FAM219A: variants seen among roughly 807,000 people sequenced by gnomAD.
FAM219A encodes family with sequence similarity 219 member A, also known as protein FAM219A.
FAM219A carries 7 observed loss-of-function variants against 23.4 expected under a neutral mutation model. The ratio of observed to expected loss-of-function variants is 0.30; its 90% CI spans 0.17 to 0.56. The LOEUF (loss-of-function observed/expected upper bound fraction) is 0.56, where lower values mean the gene tolerates loss of function less well. Ranked by LOEUF, FAM219A falls within the 20% of genes least tolerant of loss-of-function variation. FAM219A has a pLI of 0.92. For missense variants in FAM219A, 166 were observed against 246.9 expected, an observed-to-expected ratio of 0.67 and a Z score of 2.20; for synonymous variants, 93 against 99.0, an observed-to-expected ratio of 0.94 and a Z score of 0.36.
At chr9:34,435,468 T>A (rs1236631275) in intron 1 of FAM219A, among the ~76,000 whole-genome samples, 1 of 152,208 alleles carries the variant, frequency 6.6e-6, no homozygotes, top group Non-Finnish European at 1.5e-5. Flanking sequence ...TGTTTTGTCA[T>A]AACAAATTCA....
At position 34,400,130 on chromosome 9, in the gene FAM219A, A is replaced by G. The variant is rs374489100; in HGVS notation, c.*834T>C. The G allele has an allele frequency of 7.3e-6, 1 of 137,244 alleles. No individual in the cohort carries two copies. The highest frequency in any genetic ancestry group is 2.5e-4 in the East Asian group (1 of 4,006). 8.5% of individuals were successfully genotyped at this position (137,244 alleles called of 1,614,324 possible). Reference sequence around the variant, plus strand: ...TGGGCTGGGGTGAGGGGAATGGGCCATTGGAGTCCAGCCTTACTCCCTGCT... The same window carrying G: ...TGGGCTGGGGTGAGGGGAATGGGCCGTTGGAGTCCAGCCTTACTCCCTGCT... On this transcript the variant is annotated 3_prime_UTR_variant, in exon 6 of 6. Coordinates refer to ENST00000651358, the MANE Select transcript of FAM219A (RefSeq NM_001184940.2).
In FAM219A at chr9:34,400,769, T is replaced by G; in HGVS notation, c.*195A>C. 1 of 501,948 alleles carries G rather than the reference T, an allele frequency of 2.0e-6. No individual in the cohort carries two copies. The highest frequency in any genetic ancestry group is 3.3e-6 in the Non-Finnish European group (1 of 306,192). 31.1% of individuals were successfully genotyped at this position (501,948 alleles called of 1,614,324 possible). A position where few individuals can be genotyped will look rare whatever the true frequency, so the allele number is the denominator to read the frequency against. On this transcript the variant is annotated 3_prime_UTR_variant, in exon 6 of 6. Coordinates refer to ENST00000651358, the MANE Select transcript of FAM219A (RefSeq NM_001184940.2). ...GCTCCCGGGTGGAGAGAGACCCAGT[T>G]TTGGTTTCTCCAGCTCCATGAACAC...
intron 1 of FAM219A, among the ~76,000 whole-genome samples, chr9:34,441,140 AAC>A (rs1823158501): frequency 6.6e-6 from 1 of 152,210 alleles, no homozygotes; most frequent in Non-Finnish European, 1.5e-5. Flanking sequence ...AGCCCAGCTA[AAC>A]AGGAAACCAG....
intron 1 of FAM219A, among the ~76,000 whole-genome samples, chr9:34,424,647 A>C (rs1486367422): frequency 6.6e-6 from 1 of 151,736 alleles, no homozygotes; most frequent in African/African-American, 2.4e-5. Flanking sequence ...GGCCAAAGCC[A>C]ACACGGACCT....
intron 1 of FAM219A, among the ~76,000 whole-genome samples, chr9:34,451,526 C>A (rs1488778226): frequency 6.6e-6 from 1 of 152,144 alleles, no homozygotes; most frequent in Non-Finnish European, 1.5e-5. Flanking sequence ...AGCTAAATTT[C>A]CCATGTTCCC....
At chr9:34,438,107 T>G (rs1205705492) in intron 1 of FAM219A, among the ~76,000 whole-genome samples, 1 of 152,192 alleles carries the variant, frequency 6.6e-6, no homozygotes, top group East Asian at 1.9e-4. Flanking sequence ...CCCACAGCAG[T>G]GCCAGCCCAC....
chr9:34,430,108 G>A (rs1022340291), intron 1 of FAM219A, among the ~76,000 whole-genome samples: 1 of 152,150 alleles, frequency 6.6e-6, no homozygotes, highest in African/African-American at 2.4e-5. Flanking sequence ...AGACATGTGT[G>A]GGGGGAGGTA....
rs770336544 is a variant in FAM219A, at chr9:34,421,044, G to GAGAGAGAGAGAGAGAC, written c.61-15081_61-15080insGTCTCTCTCTCTCTCT. ...AGAGAGAGAGAGAGAGAGAGAGAGA[G>GAGAGAGAGAGAGAGAC]AATGGCTCTGCTGAAACAAATTTTG... On this transcript the variant is annotated intron_variant, in intron 1 of 5. Transcript: ENST00000651358. 3.5e-3 allele frequency among the ~76,000 whole-genome samples: 510 copies of GAGAGAGAGAGAGAGAC among 146,842 alleles called. 8 individuals carry two copies. The highest frequency in any genetic ancestry group is 8.6e-3 in the African/African-American group (334 of 39,042).
intron 1 of FAM219A, among the ~76,000 whole-genome samples, chr9:34,424,949 T>C (rs62559895): frequency 0.16 from 23,923 of 151,982 alleles, 2,513 homozygotes; most frequent in Non-Finnish European, 0.23. Context: ...GGACTACAGG[T>C]GTGTACCACC....
rs1821362914 is a variant in FAM219A, at chr9:34,399,993, T to C, written c.*971A>G. On this transcript the variant is annotated 3_prime_UTR_variant, in exon 6 of 6. Transcript: ENST00000651358. ...CAGCCTCAGAGATACACACACATTC[T>C]GCTAAGCACTCCCTACCACATCCAA... 1 of 152,464 alleles carries C rather than the reference T, an allele frequency of 6.6e-6. No homozygotes were observed. Among genetic ancestry groups the C allele is most frequent in the Admixed American group, 6.5e-5 (1 of 15,274 alleles). The allele number at this position is 152,464 out of a possible 1,614,324, so 9.4% of individuals were successfully genotyped here. A position where few individuals can be genotyped will look rare whatever the true frequency, so the allele number is the denominator to read the frequency against.
At chr9:34,415,761 T>C (rs1821979099) in intron 1 of FAM219A, among the ~76,000 whole-genome samples, 4 of 152,162 alleles carry the variant, frequency 2.6e-5, no homozygotes, top group African/African-American at 4.8e-5. Flanking sequence ...TCCCCCAGAA[T>C]CGGGAAGTGG....
intron 1 of FAM219A, among the ~76,000 whole-genome samples, chr9:34,433,899 G>C (rs528933640): frequency 6.6e-6 from 1 of 152,144 alleles, no homozygotes; most frequent in Non-Finnish European, 1.5e-5. Context: ...GCTCAGGTTG[G>C]TTTTAAGAAT....
At chr9:34,448,579 G>C (rs1823448529) in intron 1 of FAM219A, among the ~76,000 whole-genome samples, 2 of 152,238 alleles carry the variant, frequency 1.3e-5, no homozygotes, top group South Asian at 4.1e-4. Context: ...GTTGTGAACA[G>C]TGAGAACATT....
rs75095937 is a variant in FAM219A at position 34,435,377 on chromosome 9, A to G, written c.60+22827T>C. On this transcript the variant is annotated intron_variant, in intron 1 of 5. Transcript: ENST00000651358. ...GAAAGCATGAGCTCTATCACCTGGG[A>G]AAAAATGATAGAGTCAAAGATCATG... Among the ~76,000 whole-genome samples, 470 of 152,260 alleles carry G rather than the reference A, an allele frequency of 3.1e-3. 2 individuals carry two copies. Among genetic ancestry groups the G allele is most frequent in the Non-Finnish European group, 5.2e-3 (356 of 68,022 alleles).
chr9:34,448,307 G>A (rs1304816810), intron 1 of FAM219A, among the ~76,000 whole-genome samples: 2 of 152,146 alleles, frequency 1.3e-5, no homozygotes, highest in African/African-American at 2.4e-5. Flanking sequence ...ATTCAGGGCC[G>A]CTGGGATGGC....
intron 1 of FAM219A, among the ~76,000 whole-genome samples, chr9:34,450,405 A>C (rs1033869676): frequency 7.9e-5 from 12 of 151,116 alleles, no homozygotes; most frequent in African/African-American, 4.9e-5. Context: ...CACAGTTTGC[A>C]TGTAGTTAAT....
At chr9:34,416,632 G>C (rs1428369773) in intron 1 of FAM219A, among the ~76,000 whole-genome samples, 2 of 151,856 alleles carry the variant, frequency 1.3e-5, no homozygotes, top group Non-Finnish European at 2.9e-5. Flanking sequence ...GGGTGTGGTG[G>C]GGTGCTGAGG....
At chr9:34,444,321 C>A (rs1160125972) in intron 1 of FAM219A, among the ~76,000 whole-genome samples, 1 of 152,132 alleles carries the variant, frequency 6.6e-6, no homozygotes, top group Non-Finnish European at 1.5e-5. Context: ...GCCTGATACA[C>A]CAAGAACAGG....
intron 2 of FAM219A, among the ~76,000 whole-genome samples, chr9:34,403,387 TGAA>T (rs1821521915): frequency 6.6e-6 from 1 of 152,184 alleles, no homozygotes; most frequent in African/African-American, 2.4e-5. Flanking sequence ...ACTCAGAACA[TGAA>T]GGACTTGAAT....
Sources: gnomAD v4.1 joint callset for allele counts (sites outside exome capture counted in the v4.1 genomes callset) on GRCh38, gnomAD v4.1.1 for gene constraint, MANE v1.5 for transcripts, NCBI Gene and HGNC (gene_info 2026-07-23, HGNC 2026-07-21) for gene names.